KCND2: variants seen among roughly 807,000 people sequenced by gnomAD.
KCND2 encodes the protein A-type voltage-gated potassium channel KCND2.
A neutral mutation model predicts 54.4 loss-of-function variants in KCND2; 16 were observed. That is an observed-to-expected ratio of 0.29 (90% CI 0.20 to 0.45). The LOEUF (loss-of-function observed/expected upper bound fraction) is 0.45. Ranked by LOEUF, KCND2 falls within the 20% of genes least tolerant of loss-of-function variation. KCND2 has a pLI of 1.00. For synonymous variants in KCND2, 317 were observed against 310.7 expected (o/e 1.02, Z -0.21); for missense variants, 486 against 824.2 (o/e 0.59, Z 5.02).
intron 1 of KCND2, among the ~76,000 whole-genome samples, chr7:120,559,413 G>T (rs1009496848): frequency 6.6e-6 from 1 of 152,122 alleles, no homozygotes; most frequent in South Asian, 2.1e-4. Flanking sequence ...TTCTCATTCT[G>T]CAGATGAGAA....
intron 1 of KCND2, among the ~76,000 whole-genome samples, chr7:120,674,021 C>T (rs1792027108): frequency 6.6e-6 from 1 of 151,980 alleles, no homozygotes; most frequent in Admixed American, 6.6e-5. Flanking sequence ...TCTCCTACCT[C>T]AGCCTCCCAA....
chr7:120,307,551 A>G (rs904537635), intron 1 of KCND2, among the ~76,000 whole-genome samples: 1 of 152,090 alleles, frequency 6.6e-6, no homozygotes, highest in African/African-American at 2.4e-5. Flanking sequence ...GAAGTTCCAT[A>G]TCCATCTCAT....
At chr7:120,395,725 G>T (rs902875357) in intron 1 of KCND2, among the ~76,000 whole-genome samples, 1 of 151,978 alleles carries the variant, frequency 6.6e-6, no homozygotes, top group African/African-American at 2.4e-5. Context: ...TAACTTCCAG[G>T]CTGTTACCAT....
rs780770259 is a variant in KCND2, at chr7:120,275,205, G to A, written c.573G>A (p.Thr191=). Residue 191 remains threonine (T), a synonymous_variant, in exon 1 of 6, where the codon ACG becomes ACA. Coordinates refer to ENST00000331113, the MANE Select transcript of KCND2 (RefSeq NM_012281.3). ...STMALVFYYV[T]GFFIAVSVIA... is the part of the protein sequence containing the mutation. ...TGGCCCTGGTGTTCTACTATGTCAC[G>A]GGGTTTTTCATTGCCGTCTCTGTCA... is the stretch of plus-strand genomic sequence containing the variant. 1.9e-6 allele frequency: 3 copies of A among 1,613,836 alleles called. No individual in the cohort carries two copies. The highest frequency in any genetic ancestry group is 2.7e-5 in the African/African-American group (2 of 74,870).
intron 1 of KCND2, among the ~76,000 whole-genome samples, chr7:120,459,890 TAA>T (rs1008860255): frequency 3.0e-4 from 46 of 152,254 alleles, no homozygotes; most frequent in African/African-American, 1.1e-3. Flanking sequence ...AATGCCAGTG[TAA>T]AGACACTTTT....
chr7:120,329,393 T>G (rs1056490019), intron 1 of KCND2, among the ~76,000 whole-genome samples: 3 of 151,792 alleles, frequency 2.0e-5, no homozygotes, highest in Non-Finnish European at 4.4e-5. Flanking sequence ...AATATGTAGC[T>G]TAGTATTTTT....
intron 1 of KCND2, among the ~76,000 whole-genome samples, chr7:120,614,486 T>C (rs2116491542): frequency 6.6e-6 from 1 of 152,316 alleles, no homozygotes; most frequent in South Asian, 2.1e-4. Flanking sequence ...TTATTTGCAA[T>C]TGTAGAACTC....
chr7:120,694,620 G>C (rs1283344026), intron 1 of KCND2, among the ~76,000 whole-genome samples: 1 of 151,942 alleles, frequency 6.6e-6, no homozygotes, highest in Non-Finnish European at 1.5e-5. Flanking sequence ...ATCTAAAAGG[G>C]GTTAGAAGGA....
intron 1 of KCND2, among the ~76,000 whole-genome samples, chr7:120,544,715 C>T (rs933716330): frequency 7.2e-5 from 11 of 151,902 alleles, no homozygotes; most frequent in Admixed American, 1.3e-4. Context: ...GTAATAATTT[C>T]TGACCTTGAT....
At chr7:120,453,938 G>A (rs1485126483) in intron 1 of KCND2, among the ~76,000 whole-genome samples, 1 of 152,100 alleles carries the variant, frequency 6.6e-6, no homozygotes, top group Non-Finnish European at 1.5e-5. Context: ...ATAAAAATTA[G>A]CCAGGCATGG....
At position 120,741,467 on chromosome 7, in the gene KCND2, G is replaced by C. The variant is rs577148321; in HGVS notation, c.1279-67G>C. The C allele has an allele frequency of 1.4e-4, 145 of 1,036,552 alleles. No individual in the cohort carries two copies. The African/African-American group carries it at 2.1e-3, about 15-fold the overall frequency. 64.2% of individuals were successfully genotyped at this position (1,036,552 alleles called of 1,614,324 possible). Reference sequence around the variant, plus strand: ...TAGGCTGACAATAGGATTATACAAGGGTTCATTCACTGTTTTAAGGAAACG... The same window carrying C: ...TAGGCTGACAATAGGATTATACAAGCGTTCATTCACTGTTTTAAGGAAACG... On this transcript the variant is annotated intron_variant, in intron 2 of 5. Transcript: ENST00000331113.
chr7:120,605,866 G>A (rs1792875558), intron 1 of KCND2, among the ~76,000 whole-genome samples: 1 of 152,116 alleles, frequency 6.6e-6, no homozygotes, highest in African/African-American at 2.4e-5. Context: ...TATTGATATA[G>A]TGTGGCTATG....
intron 1 of KCND2, among the ~76,000 whole-genome samples, chr7:120,635,597 AAC>A (rs1379079621): frequency 6.6e-6 from 1 of 152,218 alleles, no homozygotes; most frequent in Non-Finnish European, 1.5e-5. Context: ...GATACTCTGA[AAC>A]ACATATGTAT....
chr7:120,302,390 C>T (rs1040416826), intron 1 of KCND2, among the ~76,000 whole-genome samples: 1 of 152,068 alleles, frequency 6.6e-6, no homozygotes, highest in African/African-American at 2.4e-5. Flanking sequence ...CTTCCAAATA[C>T]TGGAGACTAG....
At chr7:120,640,842 G>C (rs1793362487) in intron 1 of KCND2, among the ~76,000 whole-genome samples, 1 of 152,106 alleles carries the variant, frequency 6.6e-6, no homozygotes, top group Admixed American at 6.6e-5. Flanking sequence ...GCTTCTCCAA[G>C]CCCACATAGA....
intron 1 of KCND2, among the ~76,000 whole-genome samples, chr7:120,611,833 C>T (rs919128002): frequency 6.6e-6 from 1 of 152,102 alleles, no homozygotes; most frequent in Non-Finnish European, 1.5e-5. Flanking sequence ...AGCTTCTCTA[C>T]GAAAACCACT....
At chr7:120,340,778 A>G (rs1450734447) in intron 1 of KCND2, among the ~76,000 whole-genome samples, 1 of 152,180 alleles carries the variant, frequency 6.6e-6, no homozygotes, top group Non-Finnish European at 1.5e-5. Context: ...GGATGGAACT[A>G]GTGTTACTAG....
chr7:120,314,911 CTCTT>C (rs1563006481), intron 1 of KCND2, among the ~76,000 whole-genome samples: 1 of 152,098 alleles, frequency 6.6e-6, no homozygotes. Flanking sequence ...AGTCACAGAG[CTCTT>C]TCTTTACTGA....
intron 1 of KCND2, among the ~76,000 whole-genome samples, chr7:120,709,303 G>A (rs545435916): frequency 6.6e-6 from 1 of 152,222 alleles, no homozygotes; most frequent in East Asian, 1.9e-4. Context: ...TTTATGTTGT[G>A]TAATACCAGC....
Sources: gnomAD v4.1 joint callset for allele counts (sites outside exome capture counted in the v4.1 genomes callset) on GRCh38, gnomAD v4.1.1 for gene constraint, MANE v1.5 for transcripts, NCBI Gene and HGNC (gene_info 2026-07-23, HGNC 2026-07-21) for gene names.